Variants in SLC8A1 observed in about 807,000 individuals in gnomAD.
The protein encoded by SLC8A1 is sodium/calcium exchanger 1.
SLC8A1 carries 18 observed loss-of-function variants against 68.3 expected under a neutral mutation model. The ratio of observed to expected loss-of-function variants is 0.26; its 90% CI spans 0.18 to 0.39. SLC8A1 has a LOEUF of 0.39. SLC8A1 is among the 10% of genes least tolerant of loss of function. The pLI, the probability that SLC8A1 is intolerant of heterozygous loss-of-function variation, is 1.00. For missense variants in SLC8A1, 985 were observed against 1,156.7 expected (o/e 0.85, Z 2.15); for synonymous variants, 475 against 415.5 (o/e 1.14, Z -1.74).
chr2:40,428,812 T>A, exon 2 of SLC8A1: 1 of 1,613,782 alleles, frequency 6.2e-7, no homozygotes, highest in South Asian at 1.1e-5. Flanking sequence ...CACAAGGAAA[T>A]TTTCATCCTC....
At chr2:40,369,989 C>T (rs189972674) in intron 2 of SLC8A1, among the ~76,000 whole-genome samples, 1 of 152,052 alleles carries the variant, frequency 6.6e-6, no homozygotes, top group Non-Finnish European at 1.5e-5. Flanking sequence ...AAAATAAAGA[C>T]CACAGAAGAT....
rs780734678 is a variant in SLC8A1, at chr2:40,170,233, A to C, written c.1930+4592T>G. The C allele has an allele frequency of 5.9e-6, 9 of 1,535,558 alleles. No individual in the cohort carries two copies. In the Admixed American group the frequency reaches 8.4e-5, roughly 14 times the overall value. On this transcript the variant is annotated intron_variant, in intron 4 of 7. Coordinates refer to ENST00000406785, the Ensembl canonical transcript of SLC8A1. ...ATGACTGTAATGTCTCTAACATTAA[A>C]GAACTCTGGGAGGCTGTGGTTTTCA... is the stretch of plus-strand genomic sequence containing the variant.
At chr2:40,259,613 A>T (rs539483304) in intron 2 of SLC8A1, among the ~76,000 whole-genome samples, 2 of 152,298 alleles carry the variant, frequency 1.3e-5, no homozygotes, top group South Asian at 4.1e-4. Flanking sequence ...GACTACAAGC[A>T]TGTGCCACCA....
intron 1 of SLC8A1, among the ~76,000 whole-genome samples, chr2:40,450,334 G>T (rs1368835277): frequency 4.0e-5 from 6 of 148,826 alleles, no homozygotes; most frequent in Non-Finnish European, 7.5e-5. Flanking sequence ...CTTTGAGAGA[G>T]AAAGAGAAAG....
At chr2:40,416,954 G>C (rs929588588) in intron 2 of SLC8A1, among the ~76,000 whole-genome samples, 34 of 152,048 alleles carry the variant, frequency 2.2e-4, no homozygotes, top group African/African-American at 8.2e-4. Flanking sequence ...ACTGGAAAAG[G>C]GTAGATAAAA....
At position 40,384,308 on chromosome 2, in the gene SLC8A1, T is replaced by C. The variant is rs1433988199; in HGVS notation, c.1808+44165A>G. On this transcript the variant is annotated intron_variant, in intron 2 of 7. Coordinates refer to ENST00000406785, the Ensembl canonical transcript of SLC8A1. ...AATGTTAAGAATTATTAAACTGTTATTTATTGTATTAACTAGAAACTTTCT... is the reference window on the plus strand; with the variant it reads ...AATGTTAAGAATTATTAAACTGTTACTTATTGTATTAACTAGAAACTTTCT... 2.0e-5 allele frequency among the ~76,000 whole-genome samples: 3 copies of C among 152,202 alleles called. 1 individual carries two copies. Among genetic ancestry groups the C allele is most frequent in the South Asian group, 2.1e-4 (1 of 4,814 alleles).
At chr2:40,098,220 C>T (rs1214449841) in exon 8 of SLC8A1, 2 of 151,958 alleles carry the variant, frequency 1.3e-5, no homozygotes, top group African/African-American at 2.4e-5. Context: ...GCTGAGTGTA[C>T]ATTGAATCAC....
intron 2 of SLC8A1, among the ~76,000 whole-genome samples, chr2:40,187,082 A>T (rs1392908120): frequency 6.6e-6 from 1 of 152,202 alleles, no homozygotes; most frequent in East Asian, 1.9e-4. Flanking sequence ...GGGTCAGGAA[A>T]TATTCAATGG....
intron 4 of SLC8A1, among the ~76,000 whole-genome samples, chr2:40,167,184 A>G (rs2046690051): frequency 1.3e-5 from 2 of 152,204 alleles, no homozygotes; most frequent in South Asian, 4.1e-4. Flanking sequence ...AAAATCCTTC[A>G]GTCCTTCTGA....
intron 2 of SLC8A1, among the ~76,000 whole-genome samples, chr2:40,398,041 G>C (rs1687539809): frequency 6.6e-6 from 1 of 152,214 alleles, no homozygotes; most frequent in Non-Finnish European, 1.5e-5. Context: ...TTTGACACCA[G>C]TGCCAGCTTG....
At chr2:40,200,195 T>TAAATATATATATATAA (rs2053932560) in intron 2 of SLC8A1, among the ~76,000 whole-genome samples, 2 of 8,852 alleles carry the variant, frequency 2.3e-4, no homozygotes, top group Non-Finnish European at 6.7e-4. Context: ...TATATATTTA[T>TAAATATATATATATAA]ATATATATAT....
intron 2 of SLC8A1, among the ~76,000 whole-genome samples, chr2:40,305,761 C>G (rs2072458641): frequency 6.6e-6 from 1 of 152,156 alleles, no homozygotes; most frequent in African/African-American, 2.4e-5. Flanking sequence ...AAGTGTATTA[C>G]AAGAGAAAGA....
At chr2:40,378,060 A>G (rs1214745315) in intron 2 of SLC8A1, among the ~76,000 whole-genome samples, 1 of 152,136 alleles carries the variant, frequency 6.6e-6, no homozygotes, top group Non-Finnish European at 1.5e-5. Flanking sequence ...GCTGTATGCA[A>G]TGCGTTGTTC....
chr2:40,147,889 C>G (rs950486508), intron 6 of SLC8A1, among the ~76,000 whole-genome samples: 8 of 152,154 alleles, frequency 5.3e-5, no homozygotes, highest in African/African-American at 1.9e-4. Flanking sequence ...CCCACTTAGT[C>G]TTCATCCTCC....
chr2:40,184,053 T>C (rs755139291), intron 2 of SLC8A1, among the ~76,000 whole-genome samples: 1 of 152,032 alleles, frequency 6.6e-6, no homozygotes, highest in South Asian at 2.1e-4. Context: ...AGTGCTTGCC[T>C]GCACCCCAGC....
At chr2:40,204,223 G>T (rs2148727123) in intron 2 of SLC8A1, among the ~76,000 whole-genome samples, 1 of 152,100 alleles carries the variant, frequency 6.6e-6, no homozygotes, top group South Asian at 2.1e-4. Flanking sequence ...TTTTAAGATT[G>T]CTTTAGACTG....
At position 40,124,449 on chromosome 2, in the gene SLC8A1, C is replaced by T. The variant is rs562863411; in HGVS notation, c.2438-8820G>A. Among the ~76,000 whole-genome samples the T allele has an allele frequency of 2.0e-5, 3 of 152,314 alleles. No individual in the cohort carries two copies. The South Asian group carries it at 6.2e-4, about 32-fold the overall frequency. On this transcript the variant is annotated intron_variant, in intron 7 of 7. Coordinates refer to ENST00000406785, the Ensembl canonical transcript of SLC8A1. ...TGCAACCTCAATCCAGCACAGGAGG[C>T]AGCAGGTGACACTTGAGGACACGTG...
intron 2 of SLC8A1, among the ~76,000 whole-genome samples, chr2:40,403,077 A>T (rs1417033504): frequency 6.6e-6 from 1 of 152,234 alleles, no homozygotes; most frequent in Admixed American, 6.5e-5. Flanking sequence ...TGCACAATAC[A>T]CATAACGAAC....
intron 6 of SLC8A1, among the ~76,000 whole-genome samples, chr2:40,142,825 T>C (rs13001035): frequency 7.9e-5 from 12 of 152,306 alleles, no homozygotes; most frequent in Admixed American, 5.2e-4. Context: ...TGTTTCTCCA[T>C]CATTATTTGT....
Sources: allele counts gnomAD v4.1 joint callset (sites outside exome capture counted in the v4.1 genomes callset), GRCh38; gene constraint gnomAD v4.1.1; transcripts MANE v1.5; gene names NCBI Gene and HGNC (gene_info 2026-07-23, HGNC 2026-07-21).